CTNND2: variants seen among roughly 807,000 people sequenced by gnomAD.
CTNND2 encodes the protein catenin delta 2.
CTNND2 carries 22 observed loss-of-function variants against 144.4 expected under a neutral mutation model. The ratio of observed to expected loss-of-function variants is 0.15; its 90% CI spans 0.11 to 0.22. The LOEUF is 0.22. Among genes scored for constraint, CTNND2 ranks in the 10% least tolerant of loss-of-function variants. The probability of loss-of-function intolerance (pLI) is 1.00; values close to 1 mark genes in which losing one functional copy is unlikely to be tolerated. For missense variants in CTNND2, 1,353 were observed against 1,618.8 expected, an observed-to-expected ratio of 0.84 and a Z score of 2.82; for synonymous variants, 751 against 695.6, an observed-to-expected ratio of 1.08 and a Z score of -1.25.
chr5:11,198,052 A>C (rs1379797971), intron 11 of CTNND2, among the ~76,000 whole-genome samples: 2 of 152,140 alleles, frequency 1.3e-5, no homozygotes, highest in Non-Finnish European at 2.9e-5. Context: ...CATCACATGC[A>C]CTGAGCTCTT....
intron 9 of CTNND2, among the ~76,000 whole-genome samples, chr5:11,254,118 A>G (rs1415632943): frequency 6.6e-6 from 1 of 152,202 alleles, no homozygotes; most frequent in African/African-American, 2.4e-5. Flanking sequence ...AAATTTACAT[A>G]ATTTACTGCA....
chr5:11,604,781 C>T (rs1779966922), intron 2 of CTNND2, among the ~76,000 whole-genome samples: 1 of 152,148 alleles, frequency 6.6e-6, no homozygotes, highest in African/African-American at 2.4e-5. Context: ...TTTTCAGAAG[C>T]ATTTATAATA....
At chr5:11,894,399 T>C (rs1186155302) in intron 1 of CTNND2, among the ~76,000 whole-genome samples, 1 of 152,222 alleles carries the variant, frequency 6.6e-6, no homozygotes, top group East Asian at 1.9e-4. Flanking sequence ...CTTCTACGGA[T>C]GGATAAAGGA....
intron 1 of CTNND2, among the ~76,000 whole-genome samples, chr5:11,796,433 G>T (rs150946147): frequency 2.0e-4 from 31 of 152,268 alleles, no homozygotes; most frequent in African/African-American, 7.5e-4. Context: ...TTCCCATAGA[G>T]CCTTATCTGA....
chr5:11,831,080 G>T (rs1793874831), intron 1 of CTNND2, among the ~76,000 whole-genome samples: 1 of 151,800 alleles, frequency 6.6e-6, no homozygotes, highest in Non-Finnish European at 1.5e-5. Context: ...GTGTCTGCTG[G>T]GTTGGAAGAC....
At chr5:11,251,898 T>A (rs975279811) in intron 9 of CTNND2, among the ~76,000 whole-genome samples, 3 of 152,236 alleles carry the variant, frequency 2.0e-5, no homozygotes, top group African/African-American at 7.2e-5. Context: ...TATCGTTTTA[T>A]GACTTTGAAA....
At chr5:11,196,804 T>C (rs1005351337) in intron 11 of CTNND2, among the ~76,000 whole-genome samples, 3 of 152,234 alleles carry the variant, frequency 2.0e-5, no homozygotes, top group Non-Finnish European at 4.4e-5. Context: ...TAGGGGGCAC[T>C]GGTGTAGACA....
intron 9 of CTNND2, among the ~76,000 whole-genome samples, chr5:11,262,938 G>A (rs1745064580): frequency 6.6e-6 from 1 of 151,950 alleles, no homozygotes; most frequent in Non-Finnish European, 1.5e-5. Flanking sequence ...TTCCTGCCGA[G>A]AATCGTTTAA....
intron 9 of CTNND2, among the ~76,000 whole-genome samples, chr5:11,306,840 T>C (rs1750268915): frequency 6.6e-6 from 1 of 152,200 alleles, no homozygotes; most frequent in Non-Finnish European, 1.5e-5. Context: ...TTCATACAAT[T>C]CAGTGTGCTG....
chr5:11,345,329 T>C (rs1440645688), intron 9 of CTNND2, among the ~76,000 whole-genome samples: 1 of 152,210 alleles, frequency 6.6e-6, no homozygotes, highest in Non-Finnish European at 1.5e-5. Context: ...CTTATTACAA[T>C]TCACTTTTTC....
chr5:11,283,787 CA>C (rs1256646248), intron 9 of CTNND2, among the ~76,000 whole-genome samples: 1 of 143,410 alleles, frequency 7.0e-6, no homozygotes, highest in African/African-American at 2.6e-5. Flanking sequence ...ATTATTCATA[CA>C]TTTTTAGAAA....
chr5:11,815,922 G>C (rs1040522905), intron 1 of CTNND2, among the ~76,000 whole-genome samples: 1 of 152,170 alleles, frequency 6.6e-6, no homozygotes, highest in Non-Finnish European at 1.5e-5. Context: ...TCATGTCACT[G>C]ATAAGGTCTC....
At chr5:11,541,029 C>T (rs757381349) in intron 3 of CTNND2, among the ~76,000 whole-genome samples, 4 of 152,144 alleles carry the variant, frequency 2.6e-5, no homozygotes, top group African/African-American at 4.8e-5. Context: ...CTGCAAAATA[C>T]GACACCATTG....
chr5:11,301,068 G>A (rs766122009), intron 9 of CTNND2, among the ~76,000 whole-genome samples: 1 of 152,166 alleles, frequency 6.6e-6, no homozygotes, highest in Non-Finnish European at 1.5e-5. Context: ...CTGGGCTGGA[G>A]TGCAGTGGCC....
intron 1 of CTNND2, among the ~76,000 whole-genome samples, chr5:11,844,654 C>T (rs1167742549): frequency 6.6e-6 from 1 of 151,954 alleles, no homozygotes; most frequent in Non-Finnish European, 1.5e-5. Context: ...TCAGGGAGCA[C>T]CTGTTGTTTA....
chr5:11,316,519 T>A (rs1178208254), intron 9 of CTNND2, among the ~76,000 whole-genome samples: 1 of 149,822 alleles, frequency 6.7e-6, no homozygotes, highest in East Asian at 1.9e-4. Flanking sequence ...ACTTTAAGTT[T>A]TAGGGTACAT....
intron 1 of CTNND2, among the ~76,000 whole-genome samples, chr5:11,766,660 T>C (rs968580486): frequency 6.6e-6 from 1 of 152,134 alleles, no homozygotes; most frequent in East Asian, 1.9e-4. Context: ...CTAACTAATA[T>C]AGGTGGCTTG....
chr5:11,513,316 G>C (rs1042000772), intron 3 of CTNND2, among the ~76,000 whole-genome samples: 3 of 152,100 alleles, frequency 2.0e-5, no homozygotes, highest in Non-Finnish European at 2.9e-5. Context: ...TACCATGCTT[G>C]TTTTGCAAAC....
intron 9 of CTNND2, among the ~76,000 whole-genome samples, chr5:11,316,666 G>T (rs1177548852): frequency 1.1e-5 from 1 of 88,256 alleles, no homozygotes; most frequent in African/African-American, 4.5e-5. Context: ...AACAGTCCCC[G>T]GAGTGTGATG....
Sources: allele counts gnomAD v4.1 joint callset (sites outside exome capture counted in the v4.1 genomes callset), GRCh38; gene constraint gnomAD v4.1.1; transcripts MANE v1.5; gene names NCBI Gene and HGNC (gene_info 2026-07-23, HGNC 2026-07-21).